The following APBB2 variants were observed in gnomAD, a reference collection of about 807,000 sequenced individuals.
The protein encoded by APBB2 is Fe65-like 1.
APBB2 carries 38 observed loss-of-function variants against 82.5 expected under a neutral mutation model. The ratio of observed to expected loss-of-function variants is 0.46; its 90% CI spans 0.36 to 0.60. APBB2 has a LOEUF of 0.60. Ranked by LOEUF, APBB2 falls within the 20% of genes least tolerant of loss-of-function variation. The pLI, the probability that APBB2 is intolerant of heterozygous loss-of-function variation, is 0.00. For synonymous variants in APBB2, 341 were observed against 368.2 expected (o/e 0.93, Z 0.85); for missense variants, 772 against 972.3 (o/e 0.79, Z 2.74).
chr4:41,013,474 T>C (rs1808952395), intron 6 of APBB2, 109 bp downstream of exon 6: 3 of 1,039,632 alleles, frequency 2.9e-6, no homozygotes, highest in Admixed American at 2.3e-5. Flanking sequence ...GAGGCTCACG[T>C]TCCTCTCTGC....
chr4:41,128,969 C>A (rs1483238109), intron 2 of APBB2, among the ~76,000 whole-genome samples: 1 of 152,146 alleles, frequency 6.6e-6, no homozygotes, highest in Non-Finnish European at 1.5e-5. Flanking sequence ...TACCCCTAAG[C>A]CCCAGTGACG....
At position 40,826,888 on chromosome 4, in the gene APBB2, A is replaced by G. The variant is rs1052084821; in HGVS notation, c.1732+244T>C. The G allele has an allele frequency of 1.2e-4, 51 of 414,944 alleles. 1 individual carries two copies. The highest frequency in any genetic ancestry group is 1.2e-3 in the South Asian group (27 of 23,256). The allele number at this position is 414,944 out of a possible 1,614,324, so 25.7% of individuals were successfully genotyped here. A position where few individuals can be genotyped will look rare whatever the true frequency, so the allele number is the denominator to read the frequency against. ...CAAAATGAAAACGAAGGCAAAAACT[A>G]AAGACAATATTCTTTAATCTTGTCC... On this transcript the variant is annotated intron_variant, in intron 14 of 17. Transcript: ENST00000508593. This position sits in a 1 kb window ranked among gnomAD's most constrained non-coding sequence, Gnocchi z 4.5.
chr4:41,007,636 A>G (rs1038499080), intron 6 of APBB2, among the ~76,000 whole-genome samples: 3 of 152,144 alleles, frequency 2.0e-5, no homozygotes, highest in African/African-American at 7.2e-5. Flanking sequence ...GAATCACCCT[A>G]TCTGAGTGTT....
At chr4:41,033,584 T>TCA (rs71915197) in intron 4 of APBB2, among the ~76,000 whole-genome samples, 5,978 of 130,762 alleles carry the variant, frequency 0.046, 205 homozygotes, top group African/African-American at 0.1. Flanking sequence ...CTTTTTCTCA[T>TCA]CACACACACA....
At chr4:41,211,766 G>A (rs1002376630) in intron 1 of APBB2, among the ~76,000 whole-genome samples, 10 of 152,132 alleles carry the variant, frequency 6.6e-5, no homozygotes, top group African/African-American at 2.4e-4. Context: ...ATAGGTGTTA[G>A]CCACCGTACC....
At chr4:40,846,098 C>A (rs1169957459) in intron 12 of APBB2, among the ~76,000 whole-genome samples, 2 of 151,404 alleles carry the variant, frequency 1.3e-5, no homozygotes, top group Non-Finnish European at 2.9e-5. Flanking sequence ...CTTTGTTTTT[C>A]AGTTTCTTCA....
chr4:40,931,520 A>G (rs1784230982), intron 10 of APBB2, among the ~76,000 whole-genome samples: 1 of 152,194 alleles, frequency 6.6e-6, no homozygotes, highest in Non-Finnish European at 1.5e-5. Context: ...TGCTGAGATT[A>G]CAGGCACAAG....
At chr4:41,144,000 A>G (rs533424646) in intron 1 of APBB2, among the ~76,000 whole-genome samples, 10 of 152,392 alleles carry the variant, frequency 6.6e-5, no homozygotes, top group African/African-American at 2.4e-4. Context: ...TGGTGCAGCT[A>G]GCAATTCTGG....
At chr4:40,831,351 G>A (rs553141796) in intron 12 of APBB2, among the ~76,000 whole-genome samples, 2 of 151,726 alleles carry the variant, frequency 1.3e-5, no homozygotes, top group East Asian at 1.9e-4. Context: ...ACAGTGAGCC[G>A]AGACTGTGCC....
At chr4:41,059,456 C>T (rs928692849) in intron 4 of APBB2, among the ~76,000 whole-genome samples, 3 of 152,234 alleles carry the variant, frequency 2.0e-5, no homozygotes, top group Non-Finnish European at 4.4e-5. Flanking sequence ...AACAAAATAT[C>T]GGCAGCACTG....
At chr4:41,122,036 T>C (rs574568087) in intron 2 of APBB2, among the ~76,000 whole-genome samples, 11 of 152,154 alleles carry the variant, frequency 7.2e-5, no homozygotes, top group African/African-American at 2.6e-4. Context: ...AAGCAATCCC[T>C]GACCTCAGCC....
intron 12 of APBB2, among the ~76,000 whole-genome samples, chr4:40,875,851 C>G (rs1766754542): frequency 6.6e-6 from 1 of 151,970 alleles, no homozygotes; most frequent in Non-Finnish European, 1.5e-5. Context: ...GCCAGTAGAA[C>G]ATTAACCAGT....
At chr4:41,131,664 G>T (rs16852825) in intron 2 of APBB2, among the ~76,000 whole-genome samples, 4,844 of 152,220 alleles carry the variant, frequency 0.032, 180 homozygotes, top group African/African-American at 0.088. Flanking sequence ...GTCGGATGAG[G>T]TATTTAACAA....
chr4:40,923,100 C>T (rs908351928), intron 10 of APBB2, among the ~76,000 whole-genome samples: 13 of 151,702 alleles, frequency 8.6e-5, no homozygotes, highest in Non-Finnish European at 1.3e-4. Flanking sequence ...CTCAGCCTCC[C>T]GAGTAGCTGG....
intron 6 of APBB2, among the ~76,000 whole-genome samples, chr4:40,971,543 C>T (rs1300008585): frequency 6.6e-6 from 1 of 152,132 alleles, no homozygotes; most frequent in African/African-American, 2.4e-5. Flanking sequence ...TAAATTTTCC[C>T]ATTCTGAGGC....
At chr4:40,982,937 C>T (rs1203007469) in intron 6 of APBB2, among the ~76,000 whole-genome samples, 5 of 152,186 alleles carry the variant, frequency 3.3e-5, no homozygotes, top group Non-Finnish European at 4.4e-5. Context: ...CTCTAGGGAA[C>T]TGCGATGGCC....
intron 1 of APBB2, among the ~76,000 whole-genome samples, chr4:41,179,948 G>C (rs543056206): frequency 1.8e-4 from 27 of 152,350 alleles, no homozygotes; most frequent in African/African-American, 5.8e-4. Flanking sequence ...AATGGTACTT[G>C]ATAACGTGTT....
chr4:40,868,158 G>T (rs1459969202), intron 12 of APBB2, among the ~76,000 whole-genome samples: 1 of 152,018 alleles, frequency 6.6e-6, no homozygotes, highest in Non-Finnish European at 1.5e-5. Flanking sequence ...CACCCAGCTG[G>T]TTTTTAAAGT....
At chr4:40,986,893 C>G (rs1800547419) in intron 6 of APBB2, among the ~76,000 whole-genome samples, 1 of 152,068 alleles carries the variant, frequency 6.6e-6, no homozygotes, top group Non-Finnish European at 1.5e-5. Flanking sequence ...GGTTCTTAAC[C>G]GTCAATACGG....
Sources: allele counts gnomAD v4.1 joint callset (sites outside exome capture counted in the v4.1 genomes callset), GRCh38; gene constraint gnomAD v4.1.1; non-coding constraint Gnocchi (gnomAD v3.1); transcripts MANE v1.5; gene names NCBI Gene and HGNC (gene_info 2026-07-23, HGNC 2026-07-21).